Variants in KLHL32 observed in about 807,000 individuals in gnomAD.
KLHL32 encodes the protein kelch-like protein 32.
A neutral mutation model predicts 64.8 loss-of-function variants in KLHL32; 35 were observed. The observed-to-expected ratio is 0.54, with a 90% confidence interval of 0.41 to 0.72. KLHL32 has a LOEUF of 0.72. Ranked by LOEUF, KLHL32 falls within the 30% of genes least tolerant of loss-of-function variation. The probability of loss-of-function intolerance (pLI) is 0.00; values close to 1 mark genes in which losing one functional copy is unlikely to be tolerated. For missense variants in KLHL32, 589 were observed against 768.5 expected (o/e 0.77, Z 2.76); for synonymous variants, 259 against 281.0 (o/e 0.92, Z 0.78).
chr6:96,951,261 G>A (rs893781320), intron 1 of KLHL32, among the ~76,000 whole-genome samples: 6 of 152,108 alleles, frequency 3.9e-5, no homozygotes, highest in South Asian at 2.1e-4. Flanking sequence ...AAACTGAGCT[G>A]TTTGCATGAG....
At chr6:96,943,612 G>A (rs928069888) in intron 1 of KLHL32, among the ~76,000 whole-genome samples, 2 of 152,330 alleles carry the variant, frequency 1.3e-5, no homozygotes, top group East Asian at 3.9e-4. Context: ...TAGCAGAGCC[G>A]GGACCAGGAC....
At chr6:97,112,406 ACT>A (rs1334035968) in intron 6 of KLHL32, among the ~76,000 whole-genome samples, 16 of 151,944 alleles carry the variant, frequency 1.1e-4, no homozygotes, top group African/African-American at 3.9e-4. Context: ...TAATTAAATT[ACT>A]TTAGGTGCTC....
At chr6:97,096,451 G>A (rs149999146) in intron 6 of KLHL32, among the ~76,000 whole-genome samples, 18 of 152,300 alleles carry the variant, frequency 1.2e-4, no homozygotes, top group Non-Finnish European at 1.5e-4. Context: ...CACTCCAAGC[G>A]TATATATTCC....
intron 4 of KLHL32, among the ~76,000 whole-genome samples, chr6:97,044,487 C>T (rs1785620219): frequency 6.6e-6 from 1 of 151,996 alleles, no homozygotes; most frequent in Non-Finnish European, 1.5e-5. Flanking sequence ...GTGTCTTTGT[C>T]TGGCTTTGGT....
intron 3 of KLHL32, among the ~76,000 whole-genome samples, chr6:96,987,877 T>C (rs1317613601): frequency 0.016 from 1,879 of 114,046 alleles, no homozygotes; most frequent in South Asian, 0.022. Flanking sequence ...TAATAAATGG[T>C]GCTGGGAAAA....
At position 97,085,337 on chromosome 6, in the gene KLHL32, G is replaced by T; in HGVS notation, c.623G>T (p.Trp208Leu). ...RLTSLSEEQI[W>L]QLAVRWLEHN... ...ACCTCCCTGAGTGAAGAGCAGATCT[G>T]GCAGGTAAGGGCGCTGTGCACGGTC... Residue 208 changes from tryptophan (W) to leucine (L), a missense_variant, in exon 6 of 11, where the codon TGG becomes TTG. Trp to Leu is a moderately conservative substitution (Grantham distance 61). Around this residue, in one of 3 missense-constraint regions of KLHL32, gnomAD observed 226 missense variants for 353.2 expected, o/e 0.64. Transcript: ENST00000369261. 6.8e-6 allele frequency: 11 copies of T among 1,612,324 alleles called. No individual in the cohort carries two copies. The highest frequency in any genetic ancestry group is 9.3e-6 in the Non-Finnish European group (11 of 1,179,898).
chr6:96,987,090 T>G (rs901588395), intron 3 of KLHL32, among the ~76,000 whole-genome samples: 1 of 152,194 alleles, frequency 6.6e-6, no homozygotes, highest in Non-Finnish European at 1.5e-5. Context: ...TCTATTTCAT[T>G]CTTCTCTCTT....
chr6:97,074,741 A>T (rs1791324715), intron 5 of KLHL32, among the ~76,000 whole-genome samples: 1 of 151,952 alleles, frequency 6.6e-6, no homozygotes, highest in African/African-American at 2.4e-5. Flanking sequence ...GATGATAATG[A>T]CTTCTATACT....
At chr6:97,055,705 A>G (rs2128140877) in intron 4 of KLHL32, among the ~76,000 whole-genome samples, 1 of 150,064 alleles carries the variant, frequency 6.7e-6, no homozygotes, top group East Asian at 2.0e-4. Flanking sequence ...GGTTGACGTG[A>G]AAGAATTGCT....
At chr6:96,931,534 G>A (rs996430435) in intron 1 of KLHL32, among the ~76,000 whole-genome samples, 1 of 152,120 alleles carries the variant, frequency 6.6e-6, no homozygotes, top group Non-Finnish European at 1.5e-5. Context: ...TGTGCTAAAT[G>A]TGTTCTGCTT....
chr6:96,932,153 T>C (rs1769967239), intron 1 of KLHL32, among the ~76,000 whole-genome samples: 1 of 151,902 alleles, frequency 6.6e-6, no homozygotes, highest in Admixed American at 6.6e-5. Flanking sequence ...GCATAAAGAT[T>C]CACTAGTCTT....
chr6:96,951,271 G>A (rs1772550196), intron 1 of KLHL32, among the ~76,000 whole-genome samples: 1 of 152,120 alleles, frequency 6.6e-6, no homozygotes, highest in Non-Finnish European at 1.5e-5. Context: ...GTTTGCATGA[G>A]AGGAGATGTC....
chr6:97,059,864 A>G (rs2128146962), intron 4 of KLHL32, among the ~76,000 whole-genome samples: 1 of 152,308 alleles, frequency 6.6e-6, no homozygotes. Flanking sequence ...TATAAATTCA[A>G]GATTCTGATA....
At chr6:97,099,214 C>T (rs985651146) in intron 6 of KLHL32, among the ~76,000 whole-genome samples, 2 of 152,238 alleles carry the variant, frequency 1.3e-5, no homozygotes, top group African/African-American at 4.8e-5. Context: ...TGCTCTCAAG[C>T]AGACTCTGTC....
intron 8 of KLHL32, 74 bp from the exon 9 acceptor site, chr6:97,130,683 T>G: frequency 1.7e-6 from 2 of 1,177,076 alleles, no homozygotes; most frequent in Non-Finnish European, 2.4e-6. Flanking sequence ...TCTCACTACT[T>G]ATGAGGCACT....
At position 96,927,409 on chromosome 6, in the gene KLHL32, G is replaced by T. The variant is rs77821527; in HGVS notation, c.-66+2383G>T. Among the ~76,000 whole-genome samples, 477 of 152,332 alleles carry T rather than the reference G, an allele frequency of 3.1e-3. 1 individual carries two copies. Among genetic ancestry groups the T allele is most frequent in the Admixed American group, 9.7e-3 (149 of 15,298 alleles). On this transcript the variant is annotated intron_variant, in intron 1 of 10. Transcript: ENST00000369261. ...ATGAAAACATAAGTGGGAACTCAGA[G>T]ACATTAAATCCCAGCACCCTGGTAT...
chr6:97,017,062 G>A (rs549434319), intron 3 of KLHL32, among the ~76,000 whole-genome samples: 3 of 152,256 alleles, frequency 2.0e-5, no homozygotes, highest in Admixed American at 2.0e-4. Context: ...TTTCTTTATA[G>A]CAGTGTGAAA....
At chr6:96,949,454 C>T (rs1255647180) in intron 1 of KLHL32, among the ~76,000 whole-genome samples, 1 of 152,118 alleles carries the variant, frequency 6.6e-6, no homozygotes, top group African/African-American at 2.4e-5. Flanking sequence ...CCATCTACCC[C>T]GACCAGCCTT....
intron 5 of KLHL32, among the ~76,000 whole-genome samples, chr6:97,067,035 T>C (rs1390298615): frequency 6.6e-6 from 1 of 152,186 alleles, no homozygotes; most frequent in Non-Finnish European, 1.5e-5. Context: ...TGGTATTGTT[T>C]TGTTGTTCTT....
Sources: allele counts gnomAD v4.1 joint callset (sites outside exome capture counted in the v4.1 genomes callset), GRCh38; gene constraint gnomAD v4.1.1; regional missense constraint gnomAD v4.1.1; transcripts MANE v1.5; gene names NCBI Gene and HGNC (gene_info 2026-07-23, HGNC 2026-07-21).